The following RNF150 variants were observed in gnomAD, a reference collection of about 807,000 sequenced individuals.
RNF150 encodes ring finger protein 150.
Under a neutral mutation model 39.3 loss-of-function variants are expected in RNF150, and 24 were observed. The ratio of observed to expected loss-of-function variants is 0.61; its 90% CI spans 0.44 to 0.86. The LOEUF (loss-of-function observed/expected upper bound fraction) is 0.86. Among genes scored for constraint, RNF150 ranks in the 40% least tolerant of loss-of-function variants. The pLI is 0.00. For missense variants in RNF150, 502 were observed against 587.8 expected, an observed-to-expected ratio of 0.85 and a Z score of 1.51; for synonymous variants, 255 against 227.3, an observed-to-expected ratio of 1.12 and a Z score of -1.10.
At chr4:140,930,987 T>G (rs923052120) in intron 4 of RNF150, among the ~76,000 whole-genome samples, 3 of 151,962 alleles carry the variant, frequency 2.0e-5, no homozygotes, top group Non-Finnish European at 2.9e-5. Context: ...CTACCTTAGC[T>G]CTGTAAGATT....
intron 1 of RNF150, among the ~76,000 whole-genome samples, chr4:141,199,260 A>G (rs937927262): frequency 2.0e-5 from 3 of 152,238 alleles, no homozygotes; most frequent in African/African-American, 7.2e-5. Context: ...ACTATCACAC[A>G]TTGCTGGTGG....
At chr4:140,921,768 C>T (rs1394550917) in intron 5 of RNF150, among the ~76,000 whole-genome samples, 21 of 152,164 alleles carry the variant, frequency 1.4e-4, no homozygotes, top group Admixed American at 1.4e-3. Flanking sequence ...AGCTTATCCA[C>T]TAAGATCAAG....
intron 6 of RNF150, among the ~76,000 whole-genome samples, chr4:140,872,368 A>C (rs1373179277): frequency 2.0e-5 from 3 of 152,232 alleles, no homozygotes; most frequent in Admixed American, 1.3e-4. Context: ...TATAGATGAA[A>C]AATACTCTTA....
intron 1 of RNF150, among the ~76,000 whole-genome samples, chr4:141,143,434 G>T (rs1727153237): frequency 6.6e-6 from 1 of 152,090 alleles, no homozygotes; most frequent in African/African-American, 2.4e-5. Context: ...CACCAGCTCT[G>T]TTATGTTAAT....
intron 1 of RNF150, among the ~76,000 whole-genome samples, chr4:141,062,933 C>CG (rs1737296106): frequency 6.6e-6 from 1 of 152,094 alleles, no homozygotes. Flanking sequence ...GTGTGGTATT[C>CG]GGTTTTCTGT....
intron 1 of RNF150, among the ~76,000 whole-genome samples, chr4:141,008,070 GA>G (rs1355303807): frequency 1.3e-5 from 2 of 152,156 alleles, no homozygotes; most frequent in African/African-American, 2.4e-5. Context: ...AGATGTACTG[GA>G]AGATCTTTAT....
chr4:141,081,753 T>C (rs915600102), intron 1 of RNF150, among the ~76,000 whole-genome samples: 2 of 152,242 alleles, frequency 1.3e-5, no homozygotes, highest in African/African-American at 4.8e-5. Flanking sequence ...GATTTTTAAG[T>C]TATTCCTTTA....
At chr4:141,189,139 T>TCTGCAGGTCTGCTGGAGTTTG (rs574718360) in intron 1 of RNF150, among the ~76,000 whole-genome samples, 2 of 152,144 alleles carry the variant, frequency 1.3e-5, no homozygotes, top group East Asian at 1.9e-4. Flanking sequence ...AGGCCCCTTT[T>TCTGCAGGTCTGCTGGAGTTTG]CTGCAGGTCT....
chr4:141,049,031 A>G (rs529583937), intron 1 of RNF150, among the ~76,000 whole-genome samples: 1 of 152,322 alleles, frequency 6.6e-6, no homozygotes. Flanking sequence ...GGGTATGCCT[A>G]TTCTGAGCAG....
chr4:141,090,276 G>T (rs1174933808), intron 1 of RNF150, among the ~76,000 whole-genome samples: 1 of 152,202 alleles, frequency 6.6e-6, no homozygotes, highest in Non-Finnish European at 1.5e-5. Flanking sequence ...TGAGAGGGAA[G>T]CTTCTACTGG....
At chr4:141,057,518 C>T (rs1379355768) in intron 1 of RNF150, among the ~76,000 whole-genome samples, 4 of 151,848 alleles carry the variant, frequency 2.6e-5, no homozygotes, top group Non-Finnish European at 5.9e-5. Context: ...TACACTGTAC[C>T]CCATAAGTAG....
chr4:141,046,324 G>A lies in RNF150; in HGVS notation c.485-78451C>T, dbSNP rs78489050. Among the ~76,000 whole-genome samples the A allele has an allele frequency of 2.2e-4, 33 of 152,202 alleles. No homozygotes were observed. The East Asian group carries it at 2.3e-3, about 11-fold the overall frequency. On this transcript the variant is annotated intron_variant, in intron 1 of 6. Transcript: ENST00000515673. ...ACTAACACTCCTCTTTAAATAGACC[G>A]CATTCTTTTCTGTTAGTCACATTCA...
chr4:141,174,119 C>A, intron 1 of RNF150, among the ~76,000 whole-genome samples: 1 of 152,186 alleles, frequency 6.6e-6, no homozygotes, highest in East Asian at 1.9e-4. Context: ...TGGGCATATG[C>A]TACCCAAAAT....
At chr4:140,992,998 G>T (rs1158052493) in intron 1 of RNF150, among the ~76,000 whole-genome samples, 1 of 152,046 alleles carries the variant, frequency 6.6e-6, no homozygotes, top group African/African-American at 2.4e-5. Flanking sequence ...CACAGGAGAG[G>T]ACGGGAAAAC....
chr4:141,194,230 A>G (rs1302377774), intron 1 of RNF150, among the ~76,000 whole-genome samples: 2 of 152,230 alleles, frequency 1.3e-5, no homozygotes, highest in Admixed American at 6.5e-5. Context: ...TATGAATACA[A>G]CTGGAGATAT....
chr4:140,960,828 G>C (rs1017237346), intron 2 of RNF150, among the ~76,000 whole-genome samples: 10 of 152,038 alleles, frequency 6.6e-5, no homozygotes, highest in Admixed American at 4.6e-4. Context: ...GCGCAGGTGT[G>C]GGGGGAAGGT....
intron 1 of RNF150, among the ~76,000 whole-genome samples, chr4:141,119,838 G>C (rs137921481): frequency 1.3e-5 from 2 of 152,196 alleles, no homozygotes. Context: ...AGGTTAGCGA[G>C]TAGATGAATC....
intron 1 of RNF150, among the ~76,000 whole-genome samples, chr4:140,972,451 A>G (rs1256972449): frequency 6.6e-6 from 1 of 152,214 alleles, no homozygotes; most frequent in African/African-American, 2.4e-5. Flanking sequence ...ATATTAGTAC[A>G]TTTTAGTACA....
intron 1 of RNF150, among the ~76,000 whole-genome samples, chr4:141,028,704 T>A (rs1735812705): frequency 6.6e-6 from 1 of 152,214 alleles, no homozygotes; most frequent in Admixed American, 6.5e-5. Context: ...AGGCTCTGAA[T>A]GTTAGTGCTG....
Sources: allele counts gnomAD v4.1 joint callset (sites outside exome capture counted in the v4.1 genomes callset), GRCh38; gene constraint gnomAD v4.1.1; transcripts MANE v1.5; gene names NCBI Gene and HGNC (gene_info 2026-07-23, HGNC 2026-07-21).